CRNKL1: variants seen among roughly 807,000 people sequenced by gnomAD.
The protein encoded by CRNKL1 is crooked neck pre-mRNA splicing factor 1.
In CRNKL1, 35 loss-of-function variants were observed where a neutral mutation model predicts 103.7. That is an observed-to-expected ratio of 0.34 (90% CI 0.26 to 0.45). The LOEUF is 0.45. CRNKL1 is among the 20% of genes least tolerant of loss of function. The pLI is 1.00. For synonymous variants in CRNKL1, 267 were observed against 282.6 expected, an observed-to-expected ratio of 0.94 and a Z score of 0.55; for missense variants, 645 against 836.0, an observed-to-expected ratio of 0.77 and a Z score of 2.82.
chr20:20,038,622 C>A, intron 11 of CRNKL1, 172 bp from the exon 12 acceptor site: 1 of 463,518 alleles, frequency 2.2e-6, no homozygotes, highest in Non-Finnish European at 3.8e-6. Context: ...ATAAGCTGGC[C>A]AAAACTTGGC....
In CRNKL1 at chr20:20,039,852, GAAAAT is replaced by G. The variant is rs2043483892; in HGVS notation, c.1306-9_1306-5del. 6.2e-7 allele frequency: 1 copy of G among 1,612,666 alleles called. No individual in the cohort carries two copies. The highest frequency in any genetic ancestry group is 1.1e-5 in the South Asian group (1 of 91,024). ...GACATTTGCCTATGGAAGTTCCCTGGAAAATAAAATAACCAGACCACTGTGATACT... is the reference window on the plus strand; with the variant it reads ...GACATTTGCCTATGGAAGTTCCCTGGAAAATAACCAGACCACTGTGATACT... On this transcript the variant is annotated splice_polypyrimidine_tract_variant and splice_region_variant and intron_variant, in intron 10 of 13. Transcript: ENST00000536226.
chr20:20,048,134 TA>T (rs1302638492), intron 4 of CRNKL1, among the ~76,000 whole-genome samples: 7 of 152,170 alleles, frequency 4.6e-5, no homozygotes, highest in Admixed American at 1.3e-4. Context: ...AGCTTATGAA[TA>T]AAAGATTGCA....
chr20:20,052,436 C>A lies in CRNKL1; in HGVS notation c.-94G>T, dbSNP rs147785600. 5.6e-6 allele frequency: 9 copies of A among 1,614,118 alleles called. No homozygotes were observed. The highest frequency in any genetic ancestry group is 6.8e-6 in the Non-Finnish European group (8 of 1,180,042). On this transcript the variant is annotated 5_prime_UTR_variant, in exon 1 of 14. Coordinates refer to ENST00000536226, the MANE Select transcript of CRNKL1 (RefSeq NM_001278628.2). ...CCGAAACCACAAAGCTTTCAGAAAA[C>A]AAACAGGATCTCGGAACCGGAAGCG...
chr20:20,053,605 A>C (rs1237890234), upstream of CRNKL1, among the ~76,000 whole-genome samples: 1 of 152,210 alleles, frequency 6.6e-6, no homozygotes, highest in African/African-American at 2.4e-5. Flanking sequence ...TAGTAATATC[A>C]CGTCTACCAA....
At chr20:20,050,657 T>C (rs749720033) in intron 1 of CRNKL1, 35 bp from the exon 2 acceptor site, 4 of 1,573,196 alleles carry the variant, frequency 2.5e-6, no homozygotes, top group East Asian at 2.2e-5. Flanking sequence ...TTTTTAGTAG[T>C]TGCTCTTCAC....
chr20:20,045,303 C>T lies in CRNKL1; in HGVS notation c.801+5G>A, dbSNP rs769984122. The T allele has an allele frequency of 1.9e-6, 3 of 1,607,278 alleles. No homozygotes were observed. The South Asian group carries it at 3.3e-5, about 18-fold the overall frequency. On this transcript the variant is annotated splice_donor_5th_base_variant and intron_variant, in intron 6 of 13. Transcript: ENST00000536226. ...TTACAGTATAATGAAGTTAGGTATA[C>T]TTACCTCTTTCTGATTTTCTTCAAA...
At position 20,051,216 on chromosome 20, in the gene CRNKL1, AATACAC is replaced by A. The variant is rs576982893; in HGVS notation, c.52-600_52-595del. 5.2e-4 allele frequency among the ~76,000 whole-genome samples: 79 copies of A among 152,358 alleles called. 2 individuals carry two copies. The East Asian group carries it at 7.9e-3, about 15-fold the overall frequency. ...AAATTGAGGTGGACTGTAAGTGTAA[AATACAC>A]ATTGGTTTTGAAGATGAAGTATAAA... On this transcript the variant is annotated intron_variant, in intron 1 of 13. Transcript: ENST00000536226.
At position 20,037,323 on chromosome 20, in the gene CRNKL1, C is replaced by CCCATCATCAGTCTGGACCTTTCTT; in HGVS notation, c.1872_1895dup (p.Arg625_Gly632dup). On this transcript the variant is annotated inframe_insertion and splice_region_variant, in exon 13 of 14. Transcript: ENST00000536226. ...AACAGTCCCAGGGCAGAGTTCTTAC[C>CCCATCATCAGTCTGGACCTTTCTT]CCATCATCAGTCTGGACCTTTCTTC... 1.2e-6 allele frequency: 2 copies of CCCATCATCAGTCTGGACCTTTCTT among 1,613,432 alleles called. No homozygotes were observed. Among genetic ancestry groups the CCCATCATCAGTCTGGACCTTTCTT allele is most frequent in the Non-Finnish European group, 1.7e-6 (2 of 1,179,864 alleles).
upstream of CRNKL1, chr20:20,052,588 T>C (rs757058902): frequency 2.5e-6 from 4 of 1,613,790 alleles, no homozygotes; most frequent in Non-Finnish European, 3.4e-6. Flanking sequence ...GAGCTGCGGA[T>C]GAGGTGGGTA....
At chr20:20,053,009 A>G (rs2043882722), upstream of CRNKL1, among the ~76,000 whole-genome samples, 4 of 152,342 alleles carry the variant, frequency 2.6e-5, no homozygotes, top group South Asian at 2.1e-4. Context: ...GAAAAAATAT[A>G]AATAGAGTAA....
chr20:20,054,528 G>C (rs1435120146), upstream of CRNKL1, among the ~76,000 whole-genome samples: 1 of 152,022 alleles, frequency 6.6e-6, no homozygotes, highest in African/African-American at 2.4e-5. Flanking sequence ...TTATACATAA[G>C]TCAACTTTCA....
Position 20,039,713 on chromosome 20 carries a change from A to G in CRNKL1, c.1441T>C (p.Ser481Pro), listed in dbSNP as rs201343306. The G allele has an allele frequency of 6.2e-7, 1 of 1,614,222 alleles. No homozygotes were observed. Among genetic ancestry groups the G allele is most frequent in the East Asian group, 2.2e-5 (1 of 44,882 alleles). Reference protein sequence around the residue: ...FLEFGPENCTSWIKFAELETI... With the variant: ...FLEFGPENCTPWIKFAELETI... ...TCTAATTCAGCGAATTTAATCCATG[A>G]GGTACAATTTTCAGGTCCAAATTCC... is the stretch of plus-strand genomic sequence containing the variant. Residue 481 changes from serine to proline, a missense_variant, in exon 11 of 14, where the codon TCA (serine) becomes CCA (proline). Coordinates refer to ENST00000536226, the MANE Select transcript of CRNKL1 (RefSeq NM_001278628.2).
chr20:20,037,708 A>G (rs761101005), intron 12 of CRNKL1, 137 bp from the exon 13 acceptor site: 2 of 734,344 alleles, frequency 2.7e-6, no homozygotes, highest in Non-Finnish European at 4.4e-6. Flanking sequence ...GATGAAAACA[A>G]TGAATATATG....
rs1266513215 is a variant in CRNKL1, at chr20:20,039,636, G to A, written c.1518C>T (p.Ile506=). The stretch of plus-strand genomic sequence containing the variant: ...CTGGCATGTCTAAACGTGGCTGACT[G>A]ATGGCTAATTCATAGATTGCCCGTG... ...DRARAIYELA[I]SQPRLDMPEV... The change falls in exon 11 of 14, where the codon ATC becomes ATT. Residue 506 remains isoleucine (I), a synonymous_variant. Coordinates refer to ENST00000536226, the MANE Select transcript of CRNKL1 (RefSeq NM_001278628.2). 3 of 1,614,080 alleles carry A rather than the reference G, an allele frequency of 1.9e-6. No individual in the cohort carries two copies. In the Admixed American group the frequency reaches 5.0e-5, roughly 27 times the overall value.
At position 20,036,183 on chromosome 20, in the gene CRNKL1, A is replaced by G. The variant is rs1169694726; in HGVS notation, c.*12T>C. The stretch of plus-strand genomic sequence containing the variant: ...TATAAAAATAACAAAACATTTGTCT[A>G]TGAAAAAAAGATCAGGATTCACTCT... On this transcript the variant is annotated 3_prime_UTR_variant, in exon 14 of 14. Coordinates refer to ENST00000536226, the MANE Select transcript of CRNKL1 (RefSeq NM_001278628.2). 1.9e-6 allele frequency: 3 copies of G among 1,608,344 alleles called. No individual in the cohort carries two copies. The highest frequency in any genetic ancestry group is 1.3e-5 in the African/African-American group (1 of 74,656).
chr20:20,053,024 A>G (rs2043885413), upstream of CRNKL1, among the ~76,000 whole-genome samples: 1 of 152,244 alleles, frequency 6.6e-6, no homozygotes, highest in Non-Finnish European at 1.5e-5. Context: ...GAGTAACTGG[A>G]AAACAACTCA....
chr20:20,052,097 C>T (rs1291044744), intron 1 of CRNKL1, among the ~76,000 whole-genome samples, 195 bp downstream of exon 1: 1 of 152,210 alleles, frequency 6.6e-6, no homozygotes, highest in African/African-American at 2.4e-5. Context: ...CACCCCAGAA[C>T]GAAGGCCACG....
At chr20:20,042,836 T>C (rs2043537296) in intron 7 of CRNKL1, among the ~76,000 whole-genome samples, 1 of 152,234 alleles carries the variant, frequency 6.6e-6, no homozygotes, top group African/African-American at 2.4e-5. Context: ...CTATGTATCA[T>C]TATGTCTGTA....
chr20:20,052,798 A>G, upstream of CRNKL1: 1 of 1,403,516 alleles, frequency 7.1e-7, no homozygotes, highest in Admixed American at 2.5e-5. Flanking sequence ...GGAAACTACC[A>G]TTCCCAGCAT....
Sources: allele counts gnomAD v4.1 joint callset (sites outside exome capture counted in the v4.1 genomes callset), GRCh38; gene constraint gnomAD v4.1.1; transcripts MANE v1.5; gene names NCBI Gene and HGNC (gene_info 2026-07-23, HGNC 2026-07-21).